OSBPL8: variants seen among roughly 807,000 people sequenced by gnomAD.
OSBPL8 encodes the protein oxysterol binding protein like 8.
Under a neutral mutation model 125.5 loss-of-function variants are expected in OSBPL8, and 59 were observed. The observed-to-expected ratio is 0.47, with a 90% confidence interval of 0.38 to 0.58. The LOEUF is 0.58. Ranked by LOEUF, OSBPL8 falls within the 20% of genes least tolerant of loss-of-function variation. The pLI is 0.00. For synonymous variants in OSBPL8, 330 were observed against 338.9 expected (o/e 0.97, Z 0.29); for missense variants, 758 against 1,047.8 (o/e 0.72, Z 3.82).
In OSBPL8 at chr12:76,386,271, T is replaced by TAAAA. The variant is rs72247585; in HGVS notation, c.1435-9_1435-6dup. On this transcript the variant is annotated splice_region_variant and splice_polypyrimidine_tract_variant and intron_variant, in intron 13 of 23. Coordinates refer to ENST00000261183, the MANE Select transcript of OSBPL8 (RefSeq NM_020841.5). ...ATTATAAGGTTTCTTCAGTCCCTGGTAAAAAAAAAAAAAAGCAATTTCAAA... is the reference window on the plus strand; with the variant it reads ...ATTATAAGGTTTCTTCAGTCCCTGGTAAAAAAAAAAAAAAAAAAGCAATTTCAAA... The TAAAA allele has an allele frequency of 4.8e-6, 7 of 1,473,558 alleles. No homozygotes were observed. Among genetic ancestry groups the TAAAA allele is most frequent in the South Asian group, 4.0e-5 (3 of 74,150 alleles). 91.3% of individuals were successfully genotyped at this position (1,473,558 alleles called of 1,614,324 possible).
intron 4 of OSBPL8, among the ~76,000 whole-genome samples, chr12:76,415,728 T>A (rs549928589): frequency 1.3e-5 from 2 of 152,288 alleles, no homozygotes; most frequent in South Asian, 4.1e-4. Context: ...CCAACTATAG[T>A]TATATCTCTT....
chr12:76,384,310 T>C lies in OSBPL8; in HGVS notation c.1574A>G (p.Asn525Ser), dbSNP rs780212255. The change falls in exon 15 of 24, where the codon AAT becomes AGT. Residue 525 changes from asparagine to serine, a missense_variant. Around this residue, in one of 3 missense-constraint regions of OSBPL8, gnomAD observed 572 missense variants for 762.0 expected, o/e 0.75. Transcript: ENST00000261183. ...GCTAAGGCAAAATCCATCTTTTCGATTACTAACATAAAAGGCAGATATTGG... is the reference window on the plus strand; with the variant it reads ...GCTAAGGCAAAATCCATCTTTTCGACTACTAACATAAAAGGCAGATATTGG... ...HPPISAFYVS[N>S]RKDGFCLSGS... The C allele has an allele frequency of 1.9e-6, 3 of 1,571,868 alleles. No individual in the cohort carries two copies. In the African/African-American group the frequency reaches 4.0e-5, roughly 21 times the overall value.
intron 10 of OSBPL8, 60 bp from the exon 11 acceptor site, chr12:76,390,717 A>C (rs1185664436): frequency 2.1e-6 from 2 of 970,382 alleles, no homozygotes; most frequent in African/African-American, 3.3e-5. Flanking sequence ...TCAATTCATA[A>C]ATAATAATTA....
chr12:76,494,332 G>T (rs1879051756), intron 1 of OSBPL8, among the ~76,000 whole-genome samples: 1 of 152,172 alleles, frequency 6.6e-6, no homozygotes, highest in Admixed American at 6.5e-5. Context: ...CTAGGGCACT[G>T]ACTGGGTGGG....
intron 4 of OSBPL8, among the ~76,000 whole-genome samples, chr12:76,425,770 A>G (rs1870076041): frequency 6.6e-6 from 1 of 152,216 alleles, no homozygotes; most frequent in Non-Finnish European, 1.5e-5. Context: ...CTGGTTGAAC[A>G]TGGTGAACTA....
intron 1 of OSBPL8, among the ~76,000 whole-genome samples, chr12:76,539,704 G>T (rs1260873308): frequency 6.6e-6 from 1 of 152,180 alleles, no homozygotes; most frequent in Non-Finnish European, 1.5e-5. Context: ...ATAAAAAGCC[G>T]AAGAGTGAAG....
At chr12:76,467,537 G>A (rs1875606267) in intron 2 of OSBPL8, among the ~76,000 whole-genome samples, 2 of 152,118 alleles carry the variant, frequency 1.3e-5, no homozygotes. Context: ...ACACTGATTT[G>A]CCCATCTTTC....
At chr12:76,417,940 T>A (rs919559203) in intron 4 of OSBPL8, among the ~76,000 whole-genome samples, 1 of 151,916 alleles carries the variant, frequency 6.6e-6, no homozygotes, top group Non-Finnish European at 1.5e-5. Flanking sequence ...TTTGAAAAAA[T>A]TATTTGTAAT....
intron 3 of OSBPL8, among the ~76,000 whole-genome samples, chr12:76,459,516 C>T (rs1874454041): frequency 6.6e-6 from 1 of 152,118 alleles, no homozygotes; most frequent in Non-Finnish European, 1.5e-5. Context: ...TTTCATATGG[C>T]AGTGAAATCC....
chr12:76,471,043 A>C (rs946204330), intron 2 of OSBPL8, among the ~76,000 whole-genome samples: 1 of 149,360 alleles, frequency 6.7e-6, no homozygotes, highest in Non-Finnish European at 1.5e-5. Flanking sequence ...TTTATAACCC[A>C]AAAAAAAGCC....
At chr12:76,416,384 T>C (rs543315132) in intron 4 of OSBPL8, among the ~76,000 whole-genome samples, 3 of 152,144 alleles carry the variant, frequency 2.0e-5, no homozygotes, top group African/African-American at 4.8e-5. Flanking sequence ...GTATATTCTA[T>C]AGTTGTTGGG....
intron 4 of OSBPL8, among the ~76,000 whole-genome samples, chr12:76,449,969 C>T (rs1873186570): frequency 1.3e-5 from 2 of 151,596 alleles, no homozygotes; most frequent in African/African-American, 4.8e-5. Context: ...AAACCCCCCC[C>T]ATATATATAT....
chr12:76,496,024 CT>C (rs62718661), intron 1 of OSBPL8, among the ~76,000 whole-genome samples: 32,546 of 152,012 alleles, frequency 0.21, 3,661 homozygotes, highest in Non-Finnish European at 0.26. Context: ...CCCAGATCAC[CT>C]TACTTGCACA....
intron 1 of OSBPL8, among the ~76,000 whole-genome samples, chr12:76,543,284 G>T (rs1836121869): frequency 6.6e-6 from 1 of 151,994 alleles, no homozygotes; most frequent in Admixed American, 6.6e-5. Flanking sequence ...TTATTAAAAA[G>T]GTCCTAGAGG....
chr12:76,466,654 C>A (rs534965611), intron 2 of OSBPL8, among the ~76,000 whole-genome samples: 5 of 152,186 alleles, frequency 3.3e-5, no homozygotes, highest in East Asian at 3.9e-4. Flanking sequence ...AAAATTGAAC[C>A]CTTTTTTAAA....
intron 1 of OSBPL8, among the ~76,000 whole-genome samples, chr12:76,499,376 A>C (rs1483612643): frequency 7.4e-6 from 1 of 135,974 alleles, no homozygotes; most frequent in Non-Finnish European, 1.6e-5. Context: ...TAATCTATCT[A>C]ATCTATCTAT....
intron 4 of OSBPL8, among the ~76,000 whole-genome samples, chr12:76,419,999 T>C (rs1399335737): frequency 6.6e-6 from 1 of 152,186 alleles, no homozygotes. Context: ...CTGAATAAAT[T>C]AGCATTCTGC....
At chr12:76,373,235 T>C (rs1332843994) in intron 18 of OSBPL8, 109 bp downstream of exon 18, 21 of 649,768 alleles carry the variant, frequency 3.2e-5, no homozygotes, top group Non-Finnish European at 4.8e-5. Context: ...GAAGCTTATG[T>C]TAAATAGTGA....
intron 2 of OSBPL8, among the ~76,000 whole-genome samples, chr12:76,466,219 A>T (rs1373602141): frequency 6.6e-6 from 1 of 152,200 alleles, no homozygotes; most frequent in Non-Finnish European, 1.5e-5. Context: ...TTTTTTAAAT[A>T]TGGCATACTA....
Sources: gnomAD v4.1 joint callset for allele counts (sites outside exome capture counted in the v4.1 genomes callset) on GRCh38, gnomAD v4.1.1 for gene constraint, gnomAD v4.1.1 regional missense constraint, MANE v1.5 for transcripts, NCBI Gene and HGNC (gene_info 2026-07-23, HGNC 2026-07-21) for gene names.